The following C3orf49 variants were observed in gnomAD, a reference collection of about 807,000 sequenced individuals.
The protein encoded by C3orf49 is chromosome 3 open reading frame 49.
C3orf49 carries 27 observed loss-of-function variants against 13.3 expected under a neutral mutation model. The observed-to-expected ratio is 2.02, with a 90% CI of 1.49 to 2.79. C3orf49 has a LOEUF of 2.79. C3orf49 is among the 30% of genes most tolerant of loss of function. The pLI, the probability that C3orf49 is intolerant of heterozygous loss-of-function variation, is 0.00. For missense variants in C3orf49, 242 were observed against 134.2 expected (o/e 1.80, Z -3.97); for synonymous variants, 87 against 47.6 (o/e 1.83, Z -3.40).
At chr3:63,819,262 G>C (rs1701365150), upstream of C3orf49, 3 of 502,400 alleles carry the variant, frequency 6.0e-6, no homozygotes, top group South Asian at 8.5e-5. Context: ...GGTGACCTCT[G>C]TGAAGTTGTA....
At chr3:63,847,594 G>A (rs576544255) in intron 6 of C3orf49, among the ~76,000 whole-genome samples, 58 of 152,238 alleles carry the variant, frequency 3.8e-4, no homozygotes, top group African/African-American at 1.3e-3. Flanking sequence ...AAAATTAGCC[G>A]GGTGTGGGGT....
At chr3:63,805,282 G>A in the C3orf49 span, among the ~76,000 whole-genome samples, 2 of 152,162 alleles carry the variant, frequency 1.3e-5, no homozygotes, top group African/African-American at 2.4e-5. Context: ...TTTCTACAAG[G>A]CTTCCTAACC....
chr3:63,835,121 A>G (rs1413982208), intron 5 of C3orf49: 2 of 1,605,134 alleles, frequency 1.2e-6, no homozygotes, highest in East Asian at 2.2e-5. Context: ...AAAAATCTTC[A>G]TAAGCATTTA....
the C3orf49 span, among the ~76,000 whole-genome samples, chr3:63,799,975 A>G: frequency 6.6e-6 from 1 of 152,184 alleles, no homozygotes. Flanking sequence ...AAATGTCTTG[A>G]CATCTTTTGC....
Position 63,823,370 on chromosome 3 carries a change from G to A in C3orf49, c.246G>A (p.Leu82=). 1 of 703,280 alleles carries A rather than the reference G, an allele frequency of 1.4e-6. No homozygotes were observed. The highest frequency in any genetic ancestry group is 1.5e-5 in the South Asian group (1 of 67,598). The allele number at this position is 703,280 out of a possible 1,614,324, so 43.6% of individuals were successfully genotyped here. ...HESQQNQKSN[L]KTKVKTAFGR... Reference sequence around the variant, plus strand: ...GCCAGCAAAATCAGAAAAGTAATTTGAAGACGAAAGTGAAGACTGCTTTTG... The same window carrying A: ...GCCAGCAAAATCAGAAAAGTAATTTAAAGACGAAAGTGAAGACTGCTTTTG... Residue 82 remains leucine (L), a synonymous_variant, in exon 2 of 7, where the codon TTG becomes TTA. Coordinates refer to ENST00000295896, the MANE Select transcript of C3orf49 (RefSeq NM_001355236.2).
At chr3:63,788,749 A>T in the C3orf49 span, among the ~76,000 whole-genome samples, 2,268 of 152,044 alleles carry the variant, frequency 0.015, 28 homozygotes, top group South Asian at 0.065. Context: ...AACAAAAAAA[A>T]CTGAGGTACA....
chr3:63,782,070 G>C, the C3orf49 span, among the ~76,000 whole-genome samples: 1 of 152,256 alleles, frequency 6.6e-6, no homozygotes, highest in South Asian at 2.1e-4. Flanking sequence ...GGTTCTTATA[G>C]TGAATCACTG....
chr3:63,845,069 G>A lies in C3orf49; in HGVS notation c.*17G>A. The A allele has an allele frequency of 2.9e-6, 2 of 699,164 alleles. No individual in the cohort carries two copies. Among genetic ancestry groups the A allele is most frequent in the South Asian group, 3.0e-5 (2 of 67,090 alleles). 43.3% of individuals were successfully genotyped at this position (699,164 alleles called of 1,614,324 possible). ...GACAGCTGACCTGAGACTCCTTGAG[G>A]AACACAGGAAAAGGTGATGCTAACC... On this transcript the variant is annotated 3_prime_UTR_variant, in exon 6 of 7. Transcript: ENST00000295896.
chr3:63,822,578 C>T (rs568454741), intron 1 of C3orf49, among the ~76,000 whole-genome samples: 2 of 152,254 alleles, frequency 1.3e-5, no homozygotes, highest in African/African-American at 4.8e-5. Context: ...TTATGTTATA[C>T]ACATGAAAGC....
chr3:63,822,038 C>T (rs535502494), intron 1 of C3orf49, among the ~76,000 whole-genome samples: 3 of 151,994 alleles, frequency 2.0e-5, no homozygotes, highest in Admixed American at 1.3e-4. Flanking sequence ...TGCAGTGGCG[C>T]GATCTCGGCT....
chr3:63,802,949 G>T, the C3orf49 span, among the ~76,000 whole-genome samples: 4 of 151,888 alleles, frequency 2.6e-5, no homozygotes, highest in Non-Finnish European at 4.4e-5. Flanking sequence ...AACACTCTTT[G>T]CCATCATTCT....
intron 1 of C3orf49, among the ~76,000 whole-genome samples, chr3:63,822,019 A>G (rs1701401876): frequency 1.3e-5 from 2 of 151,566 alleles, no homozygotes; most frequent in Non-Finnish European, 2.9e-5. Flanking sequence ...TCTGTCGCCC[A>G]GGCTGGATTG....
At chr3:63,804,793 A>G in the C3orf49 span, among the ~76,000 whole-genome samples, 5 of 152,168 alleles carry the variant, frequency 3.3e-5, no homozygotes, top group Non-Finnish European at 5.9e-5. Context: ...ATGTCTCCCT[A>G]TGAACAAGTC....
chr3:63,787,336 G>A, the C3orf49 span: 1 of 152,080 alleles, frequency 6.6e-6, no homozygotes, highest in Non-Finnish European at 1.5e-5. Flanking sequence ...AGGCAGTTGT[G>A]GTTAAATTAC....
chr3:63,795,612 A>ACCGC, the C3orf49 span, among the ~76,000 whole-genome samples: 38 of 151,968 alleles, frequency 2.5e-4, no homozygotes, highest in African/African-American at 9.2e-4. Flanking sequence ...CTTCCTTCTA[A>ACCGC]CCGCCCGAGG....
the C3orf49 span, among the ~76,000 whole-genome samples, chr3:63,812,365 T>C: frequency 6.6e-6 from 1 of 152,184 alleles, no homozygotes; most frequent in Non-Finnish European, 1.5e-5. Context: ...TCCAAAGCCA[T>C]CCTGGGTCAC....
At chr3:63,822,399 A>G (rs1701409989) in intron 1 of C3orf49, among the ~76,000 whole-genome samples, 1 of 152,216 alleles carries the variant, frequency 6.6e-6, no homozygotes, top group Non-Finnish European at 1.5e-5. Flanking sequence ...AAAAATAGTT[A>G]ATTGAGGAAG....
At position 63,819,446 on chromosome 3, in the gene C3orf49, G is replaced by A. The variant is rs879021116; in HGVS notation, c.-26G>A. The A allele has an allele frequency of 7.1e-6, 5 of 701,308 alleles. No homozygotes were observed. The highest frequency in any genetic ancestry group is 6.0e-5 in the Admixed American group (3 of 49,638). The allele number at this position is 701,308 out of a possible 1,614,324, so 43.4% of individuals were successfully genotyped here. On this transcript the variant is annotated 5_prime_UTR_variant, in exon 1 of 7. Transcript: ENST00000295896. ...TTCAAGAACTAAAACAATCCAAAACGGCTACTACAGGTGAAGTTGAGAGCA... is the reference window on the plus strand; with the variant it reads ...TTCAAGAACTAAAACAATCCAAAACAGCTACTACAGGTGAAGTTGAGAGCA...
chr3:63,823,152 A>T, intron 1 of C3orf49, 98 bp from the exon 2 acceptor site: 2 of 580,690 alleles, frequency 3.4e-6, no homozygotes, highest in Non-Finnish European at 6.1e-6. Context: ...TCTGAATTGT[A>T]TAATTGGTTC....
Sources: allele counts gnomAD v4.1 joint callset (sites outside exome capture counted in the v4.1 genomes callset), GRCh38; gene constraint gnomAD v4.1.1; transcripts MANE v1.5; gene names NCBI Gene and HGNC (gene_info 2026-07-23, HGNC 2026-07-21).